FTO: variants seen among roughly 807,000 people sequenced by gnomAD.
FTO encodes the protein FTO alpha-ketoglutarate dependent dioxygenase, also known as alpha-ketoglutarate-dependent dioxygenase FTO.
FTO carries 47 observed loss-of-function variants against 63.9 expected under a neutral mutation model. That is an observed-to-expected ratio of 0.74 (90% CI 0.58 to 0.94). FTO has a LOEUF of 0.94. FTO is among the 40% of genes least tolerant of loss of function. The probability of loss-of-function intolerance (pLI) is 0.00; values close to 1 mark genes in which losing one functional copy is unlikely to be tolerated. For missense variants in FTO, 562 were observed against 618.1 expected (o/e 0.91, Z 0.96); for synonymous variants, 207 against 224.4 (o/e 0.92, Z 0.69).
chr16:53,750,347 C>T (rs186371507), intron 1 of FTO, among the ~76,000 whole-genome samples: 2 of 152,044 alleles, frequency 1.3e-5, no homozygotes, highest in African/African-American at 2.4e-5. Context: ...AAGCAATTCT[C>T]CTGCCTCAGC....
chr16:53,857,243 C>T (rs72805657), intron 4 of FTO, among the ~76,000 whole-genome samples: 31,606 of 152,072 alleles, frequency 0.21, 4,251 homozygotes, highest in East Asian at 0.64. Flanking sequence ...TCCCACCTTC[C>T]ACCCTCAAGT....
intron 1 of FTO, among the ~76,000 whole-genome samples, chr16:53,788,340 T>C (rs1453345063): frequency 6.6e-6 from 1 of 152,072 alleles, no homozygotes; most frequent in Non-Finnish European, 1.5e-5. Flanking sequence ...GGGTGGCTCA[T>C]GCCTGTAATC....
intron 7 of FTO, among the ~76,000 whole-genome samples, chr16:53,931,133 A>G (rs1016610189): frequency 1.3e-5 from 2 of 152,168 alleles, no homozygotes; most frequent in Admixed American, 1.3e-4. Flanking sequence ...GGCAAGGAAG[A>G]GGTAAATGAC....
intron 1 of FTO, among the ~76,000 whole-genome samples, chr16:53,724,936 T>C (rs1050341185): frequency 2.6e-5 from 4 of 152,208 alleles, no homozygotes; most frequent in Admixed American, 2.6e-4. Flanking sequence ...TCAAGTCCAG[T>C]AAAATTTTCT....
intron 1 of FTO, among the ~76,000 whole-genome samples, chr16:53,710,957 G>A (rs1055033338): frequency 6.6e-6 from 1 of 152,012 alleles, no homozygotes; most frequent in Non-Finnish European, 1.5e-5. Flanking sequence ...ATTTACTTGC[G>A]CAAGCAATTT....
intron 7 of FTO, among the ~76,000 whole-genome samples, chr16:53,910,517 G>A (rs7186419): frequency 0.027 from 4,181 of 152,180 alleles, 193 homozygotes; most frequent in African/African-American, 0.094. Context: ...GGAATTAAAA[G>A]GGGTGGTAAA....
intron 8 of FTO, among the ~76,000 whole-genome samples, chr16:54,083,866 C>T (rs1456954719): frequency 6.6e-6 from 1 of 152,110 alleles, no homozygotes; most frequent in Non-Finnish European, 1.5e-5. Context: ...TTGGGTGGTA[C>T]CAAGAGTTTG....
intron 1 of FTO, among the ~76,000 whole-genome samples, chr16:53,787,317 G>T (rs2077775228): frequency 6.6e-6 from 1 of 150,948 alleles, no homozygotes; most frequent in South Asian, 2.1e-4. Flanking sequence ...TGGGAAAGCA[G>T]GTTAATAGGT....
chr16:54,014,855 T>C (rs1042169727), intron 8 of FTO, among the ~76,000 whole-genome samples: 1,344 of 41,340 alleles, frequency 0.033, 4 homozygotes, highest in African/African-American at 0.07. Flanking sequence ...TCTCTCTTTT[T>C]TTTTTTTTTT....
chr16:53,950,344 G>A (rs12920037), intron 8 of FTO, among the ~76,000 whole-genome samples: 1 of 151,994 alleles, frequency 6.6e-6, no homozygotes, highest in Non-Finnish European at 1.5e-5. Context: ...TGTATTATAG[G>A]GGAGAGTCTC....
At chr16:53,719,352 C>G (rs2075978605) in intron 1 of FTO, among the ~76,000 whole-genome samples, 1 of 151,640 alleles carries the variant, frequency 6.6e-6, no homozygotes, top group East Asian at 1.9e-4. Context: ...CTGCTTCAGC[C>G]CCCCGAGTAG....
At chr16:54,031,651 A>G (rs1028262995) in intron 8 of FTO, among the ~76,000 whole-genome samples, 2 of 152,182 alleles carry the variant, frequency 1.3e-5, no homozygotes, top group Admixed American at 1.3e-4. Flanking sequence ...GTTTTATGAT[A>G]CTGATGTTTT....
chr16:53,891,415 C>A (rs1203319709), intron 7 of FTO, among the ~76,000 whole-genome samples: 1 of 151,208 alleles, frequency 6.6e-6, no homozygotes, highest in Non-Finnish European at 1.5e-5. Context: ...CTTCTCAGCA[C>A]TTTGGGAAGC....
chr16:53,880,710 A>G lies in FTO; in HGVS notation c.1119+723A>G, dbSNP rs1247170469. 1.3e-5 allele frequency among the ~76,000 whole-genome samples: 2 copies of G among 152,102 alleles called. 1 individual carries two copies. The highest frequency in any genetic ancestry group is 2.9e-5 in the Non-Finnish European group (2 of 68,014). The stretch of plus-strand genomic sequence containing the variant: ...CTGTGGTCTCTTTTATAAGGCTACT[A>G]AAGTCTTTTATGAAAGCAGAGCTTC... On this transcript the variant is annotated intron_variant, in intron 6 of 8. Transcript: ENST00000471389.
At chr16:53,825,728 A>G (rs1297300738) in intron 2 of FTO, 136 bp from the exon 3 acceptor site, 2 of 913,378 alleles carry the variant, frequency 2.2e-6, no homozygotes, top group African/African-American at 1.6e-5. Flanking sequence ...GGCTAGGAAG[A>G]TGTGACTCCT....
At chr16:53,956,995 A>G (rs2082946858) in intron 8 of FTO, among the ~76,000 whole-genome samples, 1 of 152,152 alleles carries the variant, frequency 6.6e-6, no homozygotes, top group South Asian at 2.1e-4. Context: ...AGGCAACCCT[A>G]TTTAAAATGT....
chr16:53,893,237 C>A (rs193099248), intron 7 of FTO, among the ~76,000 whole-genome samples: 1 of 152,244 alleles, frequency 6.6e-6, no homozygotes, highest in East Asian at 1.9e-4. Flanking sequence ...TCTTTGCTCC[C>A]TATTGAGGAT....
At chr16:53,873,761 T>A in intron 4 of FTO, 25 bp from the exon 5 acceptor site, 1 of 1,585,200 alleles carries the variant, frequency 6.3e-7, no homozygotes, top group Non-Finnish European at 8.7e-7. Flanking sequence ...TATGGTTTTA[T>A]ACATTTCTGG....
intron 1 of FTO, among the ~76,000 whole-genome samples, chr16:53,731,518 A>G (rs1451910578): frequency 1.3e-5 from 2 of 152,170 alleles, no homozygotes; most frequent in Non-Finnish European, 2.9e-5. Context: ...GTTGTTTGAG[A>G]TGTCAGCCTC....
Sources: gnomAD v4.1 joint callset for allele counts (sites outside exome capture counted in the v4.1 genomes callset) on GRCh38, gnomAD v4.1.1 for gene constraint, MANE v1.5 for transcripts, NCBI Gene and HGNC (gene_info 2026-07-23, HGNC 2026-07-21) for gene names.